NBEA: variants seen among roughly 807,000 people sequenced by gnomAD.
NBEA encodes the protein lysosomal-trafficking regulator 2.
In NBEA, 44 loss-of-function variants were observed where a neutral mutation model predicts 343.4. The observed-to-expected ratio is 0.13, with a 90% CI of 0.10 to 0.16. NBEA has a LOEUF of 0.16. Ranked by LOEUF, NBEA falls within the 10% of genes least tolerant of loss-of-function variation. The pLI is 1.00. For synonymous variants in NBEA, 1,175 were observed against 1,238.7 expected (o/e 0.95, Z 1.08); for missense variants, 2,555 against 3,631.3 (o/e 0.70, Z 7.62).
intron 36 of NBEA, among the ~76,000 whole-genome samples, chr13:35,324,386 CA>C: frequency 6.6e-6 from 1 of 152,286 alleles, no homozygotes; most frequent in African/African-American, 2.4e-5. Context: ...TCCTGTTGTA[CA>C]GATCAATATT....
Position 35,244,518 on chromosome 13 carries a change from CT to C in NBEA, c.5776+11901del, listed in dbSNP as rs1348596024. ...ACCATGCTGTTTTCGTGACTATGGC[CT>C]TATGGTATCATTTGAAGTCAGGTAA... On this transcript the variant is annotated intron_variant, in intron 34 of 58. Transcript: ENST00000379939. Among the ~76,000 whole-genome samples the C allele has an allele frequency of 3.9e-5, 6 of 152,076 alleles. No homozygotes were observed. The East Asian group carries it at 7.7e-4, about 20-fold the overall frequency.
chr13:35,123,179 T>C (rs1471789454), intron 16 of NBEA, among the ~76,000 whole-genome samples: 1 of 152,170 alleles, frequency 6.6e-6, no homozygotes, highest in Non-Finnish European at 1.5e-5. Context: ...TTATCAAGTT[T>C]AAATATTGGG....
chr13:35,638,562 C>A (rs145717169), intron 49 of NBEA, among the ~76,000 whole-genome samples: 21 of 152,256 alleles, frequency 1.4e-4, no homozygotes, highest in African/African-American at 5.1e-4. Context: ...AGCAAGGGAG[C>A]ACAGGTCTAT....
chr13:35,201,959 A>C (rs1385215178), intron 31 of NBEA, among the ~76,000 whole-genome samples: 1 of 152,032 alleles, frequency 6.6e-6, no homozygotes, highest in Non-Finnish European at 1.5e-5. Flanking sequence ...CATTTTTCTA[A>C]AGTGTGAAGC....
At chr13:35,152,411 C>A (rs1025173529) in intron 18 of NBEA, among the ~76,000 whole-genome samples, 4 of 152,050 alleles carry the variant, frequency 2.6e-5, no homozygotes, top group Non-Finnish European at 5.9e-5. Flanking sequence ...TGTAAAGATT[C>A]TCTGACCCAA....
At chr13:35,612,365 C>T (rs1008367329) in intron 48 of NBEA, among the ~76,000 whole-genome samples, 4 of 152,080 alleles carry the variant, frequency 2.6e-5, no homozygotes, top group Non-Finnish European at 5.9e-5. Context: ...ATCTCCTGAC[C>T]TCATGATCTG....
intron 11 of NBEA, among the ~76,000 whole-genome samples, chr13:35,098,953 G>A (rs1312515746): frequency 6.6e-6 from 1 of 151,718 alleles, no homozygotes; most frequent in Non-Finnish European, 1.5e-5. Flanking sequence ...TATCCACTAG[G>A]GGTCTTGGAA....
chr13:35,244,083 G>A (rs2030791774), intron 34 of NBEA, among the ~76,000 whole-genome samples: 1 of 151,770 alleles, frequency 6.6e-6, no homozygotes, highest in Middle Eastern at 3.4e-3. Context: ...ATCTTACAAA[G>A]TATCTTTTCT....
At chr13:35,301,593 G>A (rs1469595504) in intron 35 of NBEA, among the ~76,000 whole-genome samples, 6 of 152,116 alleles carry the variant, frequency 3.9e-5, no homozygotes, top group African/African-American at 9.7e-5. Flanking sequence ...TATCATTGAT[G>A]GGCATTTGGG....
At position 35,089,385 on chromosome 13, in the gene NBEA, G is replaced by A. The variant is rs1212660851; in HGVS notation, c.1572-8912G>A. ...ATACCATCTCACACCAGTTAGAATG[G>A]CAATCATTAAAAAGTCAGGAAACAA... On this transcript the variant is annotated intron_variant, in intron 10 of 58. Coordinates refer to ENST00000379939, the MANE Select transcript of NBEA (RefSeq NM_001385012.1). Among the ~76,000 whole-genome samples the A allele has an allele frequency of 2.7e-5, 4 of 149,194 alleles. No individual in the cohort carries two copies. The South Asian group carries it at 8.7e-4, about 32-fold the overall frequency.
intron 1 of NBEA, among the ~76,000 whole-genome samples, chr13:34,960,134 G>A (rs1420933354): frequency 1.3e-5 from 2 of 152,084 alleles, no homozygotes; most frequent in East Asian, 1.9e-4. Context: ...ATGATGTGGC[G>A]GTGGAAGACA....
At position 35,566,999 on chromosome 13, in the gene NBEA, C is replaced by T. The variant is rs758388413; in HGVS notation, c.7017C>T (p.Asn2339=). ...AGTTGGACCTGACTCTTCCAGGAAA[C>T]TTCAGGGATCTATCAAAGGTAACTT... The part of the protein sequence containing the change: ...SEELDLTLPG[N]FRDLSKPIGA... The change falls in exon 45 of 59, where the codon AAC becomes AAT. Residue 2339 remains asparagine (N), a synonymous_variant. Coordinates refer to ENST00000379939, the MANE Select transcript of NBEA (RefSeq NM_001385012.1). 3.5e-5 allele frequency: 56 copies of T among 1,604,446 alleles called. No individual in the cohort carries two copies. Among genetic ancestry groups the T allele is most frequent in the Non-Finnish European group, 4.3e-5 (50 of 1,171,918 alleles).
At position 35,159,901 on chromosome 13, in the gene NBEA, A is replaced by C. The variant is rs758690573; in HGVS notation, c.3730A>C (p.Thr1244Pro). 1 of 1,598,978 alleles carries C rather than the reference A, an allele frequency of 6.3e-7. No individual in the cohort carries two copies. The highest frequency in any genetic ancestry group is 1.1e-5 in the South Asian group (1 of 88,700). ...TGAAATGACTGCTACAACTCTGGAA[A>C]CTGAGTCTTCTAGTAGCAAAATTGT... Reference protein sequence around the residue: ...YAEMTATTLETESSSSKIVPN... With the variant: ...YAEMTATTLEPESSSSKIVPN... Residue 1244 changes from threonine to proline, a missense_variant, in exon 22 of 59, where the codon ACT (threonine) becomes CCT (proline). Physicochemically the swap from Thr to Pro is conservative, Grantham distance 38. Transcript: ENST00000379939.
intron 38 of NBEA, among the ~76,000 whole-genome samples, chr13:35,400,912 C>G (rs570723919): frequency 6.6e-6 from 1 of 151,666 alleles, no homozygotes; most frequent in East Asian, 1.9e-4. Context: ...GGCTGTACTC[C>G]GAGGTTAAGT....
chr13:35,410,528 G>C (rs747804528), intron 38 of NBEA, among the ~76,000 whole-genome samples: 2 of 151,994 alleles, frequency 1.3e-5, no homozygotes, highest in South Asian at 2.1e-4. Flanking sequence ...GATGTAAGAG[G>C]GGACTTCAAA....
intron 38 of NBEA, among the ~76,000 whole-genome samples, chr13:35,376,680 A>G (rs2041759333): frequency 6.6e-6 from 1 of 152,146 alleles, no homozygotes; most frequent in Non-Finnish European, 1.5e-5. Context: ...AGGAGGAGGA[A>G]TAGGATTCCC....
In NBEA at chr13:34,953,804, G is replaced by T. The variant is rs767551327; in HGVS notation, c.294+10690G>T. Reference sequence around the variant, plus strand: ...GGGCCACGGACCTGTTAGGAACTGGGCCGCACAGCAGAAAGTGGGCCATGG... The same window carrying T: ...GGGCCACGGACCTGTTAGGAACTGGTCCGCACAGCAGAAAGTGGGCCATGG... On this transcript the variant is annotated intron_variant, in intron 1 of 58. Transcript: ENST00000379939. Among the ~76,000 whole-genome samples, 145 of 152,212 alleles carry T rather than the reference G, an allele frequency of 9.5e-4. 2 individuals are homozygous for T. The highest frequency in any genetic ancestry group is 2.0e-3 in the Non-Finnish European group (136 of 68,034).
chr13:35,436,437 G>A (rs1233400452), intron 39 of NBEA, among the ~76,000 whole-genome samples: 3 of 152,162 alleles, frequency 2.0e-5, no homozygotes, highest in Non-Finnish European at 4.4e-5. Flanking sequence ...AAGGCCGGGC[G>A]CAGTGGCTCA....
chr13:35,577,849 A>G (rs2080820528), intron 45 of NBEA, among the ~76,000 whole-genome samples: 1 of 152,164 alleles, frequency 6.6e-6, no homozygotes, highest in African/African-American at 2.4e-5. Context: ...TACAGATGCA[A>G]TTTGAAAAAC....
Sources: gnomAD v4.1 joint callset for allele counts (sites outside exome capture counted in the v4.1 genomes callset) on GRCh38, gnomAD v4.1.1 for gene constraint, MANE v1.5 for transcripts, NCBI Gene and HGNC (gene_info 2026-07-23, HGNC 2026-07-21) for gene names.